Variants in MOGAT2 observed in about 807,000 individuals in gnomAD.
The protein encoded by MOGAT2 is monoacylglycerol O-acyltransferase 2, also known as 2-acylglycerol O-acyltransferase 2.
In MOGAT2, 27 loss-of-function variants were observed where a neutral mutation model predicts 31.5. The ratio of observed to expected loss-of-function variants is 0.86; its 90% CI spans 0.63 to 1.18. The LOEUF (loss-of-function observed/expected upper bound fraction) is 1.18, where lower values mean the gene tolerates loss of function less well. Among genes scored for constraint, MOGAT2 ranks in the 50% most tolerant of loss-of-function variants. MOGAT2 has a pLI of 0.00. For synonymous variants in MOGAT2, 163 were observed against 170.0 expected, an observed-to-expected ratio of 0.96 and a Z score of 0.32; for missense variants, 436 against 433.2, an observed-to-expected ratio of 1.01 and a Z score of -0.06.
rs191550316 is a variant in MOGAT2 at position 75,722,972 on chromosome 11, T to G, written c.270+2802T>G. 1.6e-4 allele frequency among the ~76,000 whole-genome samples: 25 copies of G among 152,340 alleles called. No individual in the cohort carries two copies. In the East Asian group the frequency reaches 3.7e-3, roughly 22 times the overall value. Reference sequence around the variant, plus strand: ...TTCTTTGTTTTGGTTTTGTTTTTGTTTTTTTCGAGACGGAGTTTCACTTTT... The same window carrying G: ...TTCTTTGTTTTGGTTTTGTTTTTGTGTTTTTCGAGACGGAGTTTCACTTTT... On this transcript the variant is annotated intron_variant, in intron 2 of 5. Transcript: ENST00000198801.
chr11:75,719,887 G>C (rs929167501), intron 1 of MOGAT2, 105 bp from the exon 2 acceptor site: 3 of 1,155,090 alleles, frequency 2.6e-6, no homozygotes, highest in Non-Finnish European at 3.8e-6. Flanking sequence ...GATTGGACAG[G>C]ACAGTGCTGC....
At position 75,728,063 on chromosome 11, in the gene MOGAT2, A is replaced by T. The variant is rs1167431142; in HGVS notation, c.569A>T (p.Glu190Val). The change falls in exon 4 of 6, where the codon GAG becomes GTG. Residue 190 changes from glutamate (E) to valine (V), a missense_variant. Physicochemically the swap from Glu to Val is moderately radical, Grantham distance 121. Transcript: ENST00000198801. Reference protein sequence around the residue: ...LLGIIVGGAQEALDARPGSFT... With the variant: ...LLGIIVGGAQVALDARPGSFT... The stretch of plus-strand genomic sequence containing the variant: ...GGCATCATTGTAGGGGGTGCCCAGG[A>T]GGCCCTGGATGCCAGGCCTGGATCC... The T allele has an allele frequency of 1.9e-6, 3 of 1,614,192 alleles. 1 individual carries two copies. The South Asian group carries it at 3.3e-5, about 18-fold the overall frequency.
intron 1 of MOGAT2, 41 bp downstream of exon 1, chr11:75,718,020 C>G: frequency 6.3e-7 from 1 of 1,580,122 alleles, no homozygotes; most frequent in Non-Finnish European, 8.7e-7. Context: ...CCACCGCACT[C>G]AGGTGGGGCA....
chr11:75,727,539 C>T lies in MOGAT2; in HGVS notation c.375C>T (p.Ser125=). The T allele has an allele frequency of 6.2e-7, 1 of 1,614,198 alleles. No individual in the cohort carries two copies. Among genetic ancestry groups the T allele is most frequent in the Non-Finnish European group, 8.5e-7 (1 of 1,180,020 alleles). Residue 125 remains serine, a synonymous_variant, in exon 3 of 6, where the codon AGC becomes AGT. Transcript: ENST00000198801. ...VGAFANLCTE[S]TGFSSIFPGI... ...CCTTTGCCAACCTGTGCACTGAGAG[C>T]ACAGGCTTCTCTTCGATCTTCCCCG...
chr11:75,720,386 A>C (rs1944367807), intron 2 of MOGAT2, among the ~76,000 whole-genome samples: 1 of 152,194 alleles, frequency 6.6e-6, no homozygotes, highest in South Asian at 2.1e-4. Context: ...TGCGGGGCCA[A>C]TATGTGGATT....
chr11:75,727,410 G>C (rs1226019824), intron 2 of MOGAT2, 25 bp from the exon 3 acceptor site: 2 of 1,605,808 alleles, frequency 1.2e-6, no homozygotes. Context: ...CCCCGCCCTG[G>C]CTCAGCAGGT....
intron 2 of MOGAT2, among the ~76,000 whole-genome samples, chr11:75,720,930 T>C (rs1469660964): frequency 6.6e-6 from 1 of 152,144 alleles, no homozygotes; most frequent in African/African-American, 2.4e-5. Context: ...ATCTTTCGGC[T>C]CCTTCAACGG....
chr11:75,718,037 C>T (rs924053568), intron 1 of MOGAT2, 58 bp downstream of exon 1: 3 of 1,510,062 alleles, frequency 2.0e-6, no homozygotes, highest in Non-Finnish European at 2.8e-6. Flanking sequence ...GGCAGAGCAG[C>T]CACACCAGGT....
chr11:75,726,939 C>A (rs964240624), intron 2 of MOGAT2, among the ~76,000 whole-genome samples: 4 of 152,180 alleles, frequency 2.6e-5, no homozygotes, highest in African/African-American at 9.7e-5. Context: ...ACCCACCCGC[C>A]TTGGCCTCCC....
chr11:75,724,748 C>T (rs766024851), intron 2 of MOGAT2, among the ~76,000 whole-genome samples: 5 of 152,178 alleles, frequency 3.3e-5, no homozygotes, highest in Admixed American at 6.5e-5. Flanking sequence ...TTCCTGTCCT[C>T]AGAGGCAACG....
Position 75,727,461 on chromosome 11 carries a change from C to T in MOGAT2, c.297C>T (p.Pro99=), listed in dbSNP as rs1354651398. 6.2e-7 allele frequency: 1 copy of T among 1,614,000 alleles called. No homozygotes were observed. Among genetic ancestry groups the T allele is most frequent in the African/African-American group, 1.3e-5 (1 of 74,910 alleles). ...ISLVKTAELD[P]SRNYIAGFHP... is the part of the protein sequence containing the mutation. The stretch of plus-strand genomic sequence containing the variant: ...TGGTCAAGACTGCTGAGCTGGACCC[C>T]TCTCGGAACTACATTGCGGGCTTCC... Residue 99 remains proline (P), a synonymous_variant, in exon 3 of 6, where the codon CCC becomes CCT. Transcript: ENST00000198801.
At chr11:75,726,385 C>T (rs1944421383) in intron 2 of MOGAT2, among the ~76,000 whole-genome samples, 1 of 152,144 alleles carries the variant, frequency 6.6e-6, no homozygotes, top group South Asian at 2.1e-4. Flanking sequence ...TTTTTTGCCC[C>T]GAGACATCCA....
At chr11:75,728,618 A>C in intron 4 of MOGAT2, 172 bp from the exon 5 acceptor site, 1 of 624,214 alleles carries the variant, frequency 1.6e-6, no homozygotes, top group East Asian at 2.7e-5. Context: ...CCAAGGTCAG[A>C]GAATGGGGCT....
Position 75,726,696 on chromosome 11 carries a change from A to ATTT in MOGAT2, c.271-721_271-719dup, listed in dbSNP as rs1186269725. 1.0e-3 allele frequency among the ~76,000 whole-genome samples: 129 copies of ATTT among 123,162 alleles called. 4 individuals are homozygous for ATTT. In the East Asian group the frequency reaches 0.015, roughly 15 times the overall value. The allele number at this position is 123,162 out of a possible 152,430, so 80.8% of individuals were successfully genotyped here. A position where few individuals can be genotyped will look rare whatever the true frequency, so the allele number is the denominator to read the frequency against. On this transcript the variant is annotated intron_variant, in intron 2 of 5. Transcript: ENST00000198801. ...GTCTCATGGATATGGAGGAACATTG[A>ATTT]TTTTTTTTTTTTTTTTTTTTGAGAC...
intron 5 of MOGAT2, 101 bp from the exon 6 acceptor site, chr11:75,731,031 G>A (rs565765762): frequency 1.0e-6 from 1 of 966,752 alleles, no homozygotes; most frequent in South Asian, 1.7e-5. Flanking sequence ...GGAAGGAATG[G>A]AGTAAGAGCA....
Position 75,732,889 on chromosome 11 carries a change from T to C in MOGAT2, c.*1603T>C, listed in dbSNP as rs1362766531. 5 of 152,218 alleles carry C rather than the reference T, an allele frequency of 3.3e-5. No individual in the cohort carries two copies. The highest frequency in any genetic ancestry group is 1.3e-4 in the Admixed American group (2 of 15,264). 9.4% of individuals were successfully genotyped at this position (152,218 alleles called of 1,614,324 possible). A position where few individuals can be genotyped will look rare whatever the true frequency, so the allele number is the denominator to read the frequency against. On this transcript the variant is annotated 3_prime_UTR_variant, in exon 6 of 6. Coordinates refer to ENST00000198801, the MANE Select transcript of MOGAT2 (RefSeq NM_025098.4). ...GCCAATGCCCCTGCCTCTAGTGCACTCCCTCCAGCCTACCCACAAACAGGA... is the reference window on the plus strand; with the variant it reads ...GCCAATGCCCCTGCCTCTAGTGCACCCCCTCCAGCCTACCCACAAACAGGA...
At chr11:75,730,914 C>CAAAAAAA (rs767670159) in intron 5 of MOGAT2, 37 of 173,834 alleles carry the variant, frequency 2.1e-4, no homozygotes, top group African/African-American at 1.5e-3. Flanking sequence ...GACTCTACCT[C>CAAAAAAA]AAAAAAAAAA....
chr11:75,722,998 G>C (rs925631853), intron 2 of MOGAT2, among the ~76,000 whole-genome samples: 2 of 152,078 alleles, frequency 1.3e-5, no homozygotes, highest in African/African-American at 4.8e-5. Flanking sequence ...TTTCACTTTT[G>C]TTGCCCAGTC....
At chr11:75,720,591 G>A (rs1836759054) in intron 2 of MOGAT2, among the ~76,000 whole-genome samples, 1 of 152,162 alleles carries the variant, frequency 6.6e-6, no homozygotes, top group Admixed American at 6.5e-5. Context: ...TGGAGGAAAT[G>A]TCACCAAGGT....
Sources: gnomAD v4.1 joint callset for allele counts (sites outside exome capture counted in the v4.1 genomes callset) on GRCh38, gnomAD v4.1.1 for gene constraint, MANE v1.5 for transcripts, NCBI Gene and HGNC (gene_info 2026-07-23, HGNC 2026-07-21) for gene names.